Variants in NRXN3 observed in about 807,000 individuals in gnomAD.
NRXN3 encodes the protein neurexin III.
In NRXN3, 32 loss-of-function variants were observed where a neutral mutation model predicts 137.6. That is an observed-to-expected ratio of 0.23 (90% CI 0.18 to 0.31). The LOEUF (loss-of-function observed/expected upper bound fraction) is 0.31, where lower values mean the gene tolerates loss of function less well. NRXN3 is among the 10% of genes least tolerant of loss of function. The pLI is 1.00. For synonymous variants in NRXN3, 798 were observed against 784.5 expected, an observed-to-expected ratio of 1.02 and a Z score of -0.29; for missense variants, 1,574 against 2,062.5, an observed-to-expected ratio of 0.76 and a Z score of 4.59.
rs547706564 is a variant in NRXN3 at position 79,124,934 on chromosome 14, G to A, written c.3262+136793G>A. Reference sequence around the variant, plus strand: ...CATAGGAATATCTGAATTACATGCAGTTCCTAGAAAGCAAGCTATAATTAC... The same window carrying A: ...CATAGGAATATCTGAATTACATGCAATTCCTAGAAAGCAAGCTATAATTAC... On this transcript the variant is annotated intron_variant, in intron 15 of 20. Transcript: ENST00000335750. 6.5e-4 allele frequency among the ~76,000 whole-genome samples: 99 copies of A among 152,112 alleles called. 1 individual carries two copies. Among genetic ancestry groups the A allele is most frequent in the African/African-American group, 2.3e-3 (94 of 41,476 alleles).
chr14:79,849,565 A>C (rs1359073113), intron 20 of NRXN3, among the ~76,000 whole-genome samples: 1 of 152,226 alleles, frequency 6.6e-6, no homozygotes, highest in Non-Finnish European at 1.5e-5. Flanking sequence ...ATATCACCTC[A>C]TACATGGTAG....
intron 15 of NRXN3, among the ~76,000 whole-genome samples, chr14:79,205,828 A>G (rs1431036874): frequency 1.3e-5 from 2 of 152,118 alleles, no homozygotes; most frequent in Admixed American, 6.6e-5. Context: ...CTTTTCTTCT[A>G]TTTCTCCATG....
intron 15 of NRXN3, among the ~76,000 whole-genome samples, chr14:79,217,011 C>G (rs2068633292): frequency 6.6e-6 from 1 of 152,048 alleles, no homozygotes; most frequent in South Asian, 2.1e-4. Context: ...GTGGCACATG[C>G]CTGTAGTCCC....
chr14:78,283,268 G>A (rs1402733767), intron 3 of NRXN3: 2 of 152,218 alleles, frequency 1.3e-5, no homozygotes, highest in East Asian at 3.9e-4. Flanking sequence ...AGGCAAGATA[G>A]CATAGGATGG....
At chr14:78,636,711 C>T (rs770049857) in intron 4 of NRXN3, among the ~76,000 whole-genome samples, 3 of 152,104 alleles carry the variant, frequency 2.0e-5, no homozygotes, top group African/African-American at 4.8e-5. Flanking sequence ...TACAGTTTTG[C>T]TTATATGGAT....
In NRXN3 at chr14:79,811,524, GTT is replaced by G. The variant is rs1384739269; in HGVS notation, c.4093+6338_4093+6339del. ...TATAATGTTCCAGATTAATGATACA[GTT>G]TTTGTCTTTGTTAACCCACCAAGTT... On this transcript the variant is annotated intron_variant, in intron 20 of 20. Coordinates refer to ENST00000335750, the MANE Select transcript of NRXN3 (RefSeq NM_001330195.2). Among the ~76,000 whole-genome samples, 3 of 149,146 alleles carry G rather than the reference GTT, an allele frequency of 2.0e-5. No homozygotes were observed. In the East Asian group the frequency reaches 6.0e-4, roughly 30 times the overall value.
intron 6 of NRXN3, among the ~76,000 whole-genome samples, chr14:78,668,219 T>C (rs1322105591): frequency 2.0e-5 from 3 of 152,196 alleles, no homozygotes; most frequent in African/African-American, 7.2e-5. Context: ...CAGTGTCCCA[T>C]TGAGGTCTAA....
chr14:78,832,014 AG>A (rs1464198788), intron 10 of NRXN3, among the ~76,000 whole-genome samples: 1 of 151,224 alleles, frequency 6.6e-6, no homozygotes, highest in Non-Finnish European at 1.5e-5. Flanking sequence ...GAGGACAAAA[AG>A]GTTAATTAAT....
chr14:78,916,786 C>T (rs537845047), intron 10 of NRXN3, among the ~76,000 whole-genome samples: 4 of 152,256 alleles, frequency 2.6e-5, no homozygotes, highest in East Asian at 1.9e-4. Context: ...TTTATTTCCT[C>T]GCAGTTCTGC....
At chr14:78,607,071 T>C (rs1428234870) in intron 4 of NRXN3, among the ~76,000 whole-genome samples, 1 of 152,196 alleles carries the variant, frequency 6.6e-6, no homozygotes, top group Non-Finnish European at 1.5e-5. Flanking sequence ...CTGTTGGAGC[T>C]GAGGGCATTG....
intron 4 of NRXN3, among the ~76,000 whole-genome samples, chr14:78,561,253 G>A (rs561350319): frequency 4.7e-4 from 72 of 152,212 alleles, no homozygotes; most frequent in African/African-American, 1.6e-3. Context: ...GCCAAAGCAG[G>A]TCACATGATC....
At position 78,545,032 on chromosome 14, in the gene NRXN3, T is replaced by C. The variant is rs113154014; in HGVS notation, c.758-100088T>C. 1.5e-3 allele frequency among the ~76,000 whole-genome samples: 232 copies of C among 152,338 alleles called. 1 individual carries two copies. The highest frequency in any genetic ancestry group is 5.5e-3 in the African/African-American group (228 of 41,588). On this transcript the variant is annotated intron_variant, in intron 4 of 20. Coordinates refer to ENST00000335750, the MANE Select transcript of NRXN3 (RefSeq NM_001330195.2). ...TGATTAGCTTTAAAATTCATTTCCA[T>C]TGGTTTCTTCTTTCATGATAGTTTT...
intron 4 of NRXN3, among the ~76,000 whole-genome samples, chr14:78,324,295 A>G (rs1454281057): frequency 6.6e-6 from 1 of 152,066 alleles, no homozygotes; most frequent in Non-Finnish European, 1.5e-5. Context: ...TTCACTGAGC[A>G]CCTACTGCAT....
intron 19 of NRXN3, among the ~76,000 whole-genome samples, chr14:79,781,676 G>C (rs2099114382): frequency 6.6e-6 from 1 of 152,186 alleles, no homozygotes; most frequent in Admixed American, 6.5e-5. Flanking sequence ...TTAGCATTTT[G>C]TGTGACTCAG....
intron 15 of NRXN3, among the ~76,000 whole-genome samples, chr14:79,279,186 G>A (rs2080822826): frequency 6.6e-6 from 1 of 152,158 alleles, no homozygotes; most frequent in Non-Finnish European, 1.5e-5. Context: ...GGCGGCGTGT[G>A]CTGGAGGCTC....
At chr14:79,179,163 G>A (rs192937886) in intron 15 of NRXN3, among the ~76,000 whole-genome samples, 4 of 152,218 alleles carry the variant, frequency 2.6e-5, no homozygotes, top group South Asian at 4.1e-4. Flanking sequence ...TTCTGATGCT[G>A]CTCATTCTTT....
At chr14:79,815,165 T>C (rs541016714) in intron 20 of NRXN3, among the ~76,000 whole-genome samples, 33 of 152,306 alleles carry the variant, frequency 2.2e-4, no homozygotes, top group South Asian at 6.2e-4. Context: ...ATCCAAATGT[T>C]GGACTCTACC....
chr14:78,959,384 C>CA (rs1296581168), intron 11 of NRXN3, among the ~76,000 whole-genome samples: 2 of 152,176 alleles, frequency 1.3e-5, no homozygotes, highest in African/African-American at 2.4e-5. Flanking sequence ...TGTGATTCCA[C>CA]AAAATCATTC....
At chr14:78,380,225 A>T in intron 4 of NRXN3, among the ~76,000 whole-genome samples, 1 of 142,382 alleles carries the variant, frequency 7.0e-6, no homozygotes, top group African/African-American at 2.6e-5. Flanking sequence ...CCCTCAAAAG[A>T]TGTGTTTACA....
Sources: allele counts gnomAD v4.1 joint callset (sites outside exome capture counted in the v4.1 genomes callset), GRCh38; gene constraint gnomAD v4.1.1; transcripts MANE v1.5; gene names NCBI Gene and HGNC (gene_info 2026-07-23, HGNC 2026-07-21).